SNTA1: variants seen among roughly 807,000 people sequenced by gnomAD.
The protein encoded by SNTA1 is alpha-1-syntrophin.
SNTA1 carries 31 observed loss-of-function variants against 47.1 expected under a neutral mutation model. That is an observed-to-expected ratio of 0.66 (90% CI 0.49 to 0.89). The LOEUF is 0.89. SNTA1 is among the 40% of genes least tolerant of loss of function. The pLI is 0.00. For missense variants in SNTA1, 575 were observed against 693.0 expected, an observed-to-expected ratio of 0.83 and a Z score of 1.91; for synonymous variants, 300 against 313.6, an observed-to-expected ratio of 0.96 and a Z score of 0.46.
chr20:33,434,588 GTAGTA>G (rs1990389495), intron 2 of SNTA1, among the ~76,000 whole-genome samples: 1 of 152,150 alleles, frequency 6.6e-6, no homozygotes, highest in Non-Finnish European at 1.5e-5. Flanking sequence ...TACTGCATCT[GTAGTA>G]GACATTGCTA....
intron 5 of SNTA1, among the ~76,000 whole-genome samples, chr20:33,410,810 A>G (rs963666520): frequency 4.6e-5 from 7 of 152,184 alleles, no homozygotes; most frequent in African/African-American, 1.7e-4. Flanking sequence ...TTTCACTAGA[A>G]TGTCAACTAG....
At chr20:33,426,451 CAAA>C (rs768700017) in intron 2 of SNTA1, among the ~76,000 whole-genome samples, 14 of 78,362 alleles carry the variant, frequency 1.8e-4, no homozygotes, top group Admixed American at 4.5e-4. Flanking sequence ...ACTCCTTCTC[CAAA>C]AAAAAAAAAA....
chr20:33,412,148 CTG>C, intron 5 of SNTA1, 146 bp downstream of exon 5: 1 of 845,596 alleles, frequency 1.2e-6, no homozygotes, highest in Non-Finnish European at 1.8e-6. Context: ...GATGAGGAAA[CTG>C]AGGCCCAGAC....
At chr20:33,425,761 CCT>C (rs1297453147) in intron 2 of SNTA1, among the ~76,000 whole-genome samples, 1 of 151,784 alleles carries the variant, frequency 6.6e-6, no homozygotes, top group African/African-American at 2.4e-5. Flanking sequence ...CCTCTGCGAG[CCT>C]CTGTTTCCTT....
At chr20:33,418,848 C>T (rs1271919558) in intron 2 of SNTA1, among the ~76,000 whole-genome samples, 1 of 143,756 alleles carries the variant, frequency 7.0e-6, no homozygotes, top group East Asian at 2.2e-4. Flanking sequence ...CATGGTGGCT[C>T]ATGCCTGTAA....
At position 33,410,162 on chromosome 20, in the gene SNTA1, C is replaced by T. The variant is rs730880217; in HGVS notation, c.1210G>A (p.Ala404Thr). 5 of 1,614,218 alleles carry T rather than the reference C, an allele frequency of 3.1e-6. No individual in the cohort carries two copies. The highest frequency in any genetic ancestry group is 3.4e-6 in the Non-Finnish European group (4 of 1,180,028). ...GTAGACACCTCCTGCACACCCTCGG[C>T]GGCCCGGTGACAGCCATCCACAAGC... ...RQLVDGCHRA[A>T]EGVQEVSTAC... Residue 404 changes from alanine (A) to threonine (T), a missense_variant, in exon 6 of 8, where the codon GCC becomes ACC. Coordinates refer to ENST00000217381, the MANE Select transcript of SNTA1 (RefSeq NM_003098.3).
chr20:33,439,132 G>T (rs1445888343), intron 1 of SNTA1, 106 bp from the exon 2 acceptor site: 1 of 1,070,568 alleles, frequency 9.3e-7, no homozygotes, highest in African/African-American at 1.6e-5. Flanking sequence ...GCCTAGCCCA[G>T]TGCTGGAAAA....
intron 3 of SNTA1, among the ~76,000 whole-genome samples, chr20:33,415,969 A>G (rs950415441): frequency 4.6e-5 from 7 of 152,008 alleles, no homozygotes; most frequent in Non-Finnish European, 1.0e-4. Flanking sequence ...TTAGCTGGGC[A>G]TGTTGGCAGG....
At chr20:33,425,570 G>A (rs1156598243) in intron 2 of SNTA1, among the ~76,000 whole-genome samples, 1 of 151,772 alleles carries the variant, frequency 6.6e-6, no homozygotes, top group Admixed American at 6.6e-5. Flanking sequence ...GCTGAGATGG[G>A]AGAATTACTT....
intron 2 of SNTA1, among the ~76,000 whole-genome samples, chr20:33,430,368 A>G (rs1290267760): frequency 6.9e-6 from 1 of 144,340 alleles, no homozygotes; most frequent in Non-Finnish European, 1.5e-5. Context: ...AGCTCACTGC[A>G]ACCTCCACCT....
Position 33,435,917 on chromosome 20 carries a change from G to A in SNTA1, c.496+2924C>T, listed in dbSNP as rs543147565. Among the ~76,000 whole-genome samples, 9 of 152,180 alleles carry A rather than the reference G, an allele frequency of 5.9e-5. No homozygotes were observed. In the East Asian group the frequency reaches 7.7e-4, roughly 13 times the overall value. ...TAATCTAAAGATGAGGAGGTGGGCC[G>A]GGCGCGGTGGCTCACGCGTGTAATC... is the stretch of plus-strand genomic sequence containing the variant. On this transcript the variant is annotated intron_variant, in intron 2 of 7. Transcript: ENST00000217381.
intron 2 of SNTA1, among the ~76,000 whole-genome samples, chr20:33,437,819 C>T (rs1170362939): frequency 6.6e-6 from 1 of 152,232 alleles, no homozygotes; most frequent in Non-Finnish European, 1.5e-5. Context: ...AGACATGGCA[C>T]AAGATGGTCA....
intron 5 of SNTA1, 80 bp from the exon 6 acceptor site, chr20:33,410,411 G>T (rs1180460146): frequency 2.2e-6 from 2 of 900,022 alleles, no homozygotes; most frequent in Non-Finnish European, 3.5e-6. Flanking sequence ...CCAGTGACCT[G>T]GGAAGAAACC....
intron 3 of SNTA1, among the ~76,000 whole-genome samples, chr20:33,415,837 G>A (rs986687925): frequency 1.3e-5 from 2 of 151,280 alleles, no homozygotes; most frequent in African/African-American, 2.4e-5. Flanking sequence ...AAATACAGGC[G>A]ATGGCTCATG....
At position 33,417,885 on chromosome 20, in the gene SNTA1, A is replaced by C. The variant is rs1370412149; in HGVS notation, c.535T>G (p.Ser179Ala). The C allele has an allele frequency of 1.2e-6, 2 of 1,613,940 alleles. No individual in the cohort carries two copies. The highest frequency in any genetic ancestry group is 1.7e-6 in the Non-Finnish European group (2 of 1,179,926). Residue 179 changes from serine to alanine, a missense_variant, in exon 3 of 8, where the codon TCT becomes GCT. Ser to Ala is a moderately conservative substitution (Grantham distance 99). Transcript: ENST00000217381. Reference protein sequence around the residue: ...MKDVSPYFKNSTGGTSVGWDS... With the variant: ...MKDVSPYFKNATGGTSVGWDS... ...CAGCCGACCGAGGTCCCACCAGTAG[A>C]GTTCTTGAAATACGGTGAGACGTCC...
chr20:33,411,589 A>G (rs1186165111), intron 5 of SNTA1, among the ~76,000 whole-genome samples: 1 of 152,144 alleles, frequency 6.6e-6, no homozygotes, highest in Admixed American at 6.6e-5. Context: ...TGGCAGCCAC[A>G]GGGATTCTCT....
intron 5 of SNTA1, 129 bp from the exon 6 acceptor site, chr20:33,410,460 A>G (rs1989713933): frequency 1.1e-5 from 7 of 646,748 alleles, no homozygotes; most frequent in Non-Finnish European, 1.9e-5. Context: ...AGGACTTGCC[A>G]GGGGGCACTG....
At chr20:33,441,815 T>C (rs909052047) in intron 1 of SNTA1, among the ~76,000 whole-genome samples, 3 of 152,208 alleles carry the variant, frequency 2.0e-5, no homozygotes, top group Non-Finnish European at 4.4e-5. Flanking sequence ...AATGGAATTC[T>C]GTATGAATAA....
At position 33,443,626 on chromosome 20, in the gene SNTA1, C is replaced by T. The variant is rs1990637527; in HGVS notation, c.-6G>A. Reference sequence around the variant, plus strand: ...GCGCGCCTGCCGGACGCCATCTTCGCCTCCGAGCCCCCGGGCCGCCGCGCT... The same window carrying T: ...GCGCGCCTGCCGGACGCCATCTTCGTCTCCGAGCCCCCGGGCCGCCGCGCT... On this transcript the variant is annotated 5_prime_UTR_variant, in exon 1 of 8. Coordinates refer to ENST00000217381, the MANE Select transcript of SNTA1 (RefSeq NM_003098.3). 4 of 1,211,590 alleles carry T rather than the reference C, an allele frequency of 3.3e-6. No individual in the cohort carries two copies. The highest frequency in any genetic ancestry group is 3.1e-6 in the Non-Finnish European group (3 of 974,026). The allele number at this position is 1,211,590 out of a possible 1,614,324, so 75.1% of individuals were successfully genotyped here.
Sources: gnomAD v4.1 joint callset for allele counts (sites outside exome capture counted in the v4.1 genomes callset) on GRCh38, gnomAD v4.1.1 for gene constraint, MANE v1.5 for transcripts, NCBI Gene and HGNC (gene_info 2026-07-23, HGNC 2026-07-21) for gene names.